MIPOL1: variants seen among roughly 807,000 people sequenced by gnomAD.
MIPOL1 encodes mirror-image polydactyly 1.
In MIPOL1, 57 loss-of-function variants were observed where a neutral mutation model predicts 60.9. That is an observed-to-expected ratio of 0.94 (90% CI 0.76 to 1.17). The LOEUF (loss-of-function observed/expected upper bound fraction) is 1.17, where lower values mean the gene tolerates loss of function less well. Among genes scored for constraint, MIPOL1 ranks in the 50% most tolerant of loss-of-function variants. The pLI, the probability that MIPOL1 is intolerant of heterozygous loss-of-function variation, is 0.00. For missense variants in MIPOL1, 551 were observed against 511.6 expected (o/e 1.08, Z -0.74); for synonymous variants, 179 against 168.8 (o/e 1.06, Z -0.47).
rs150146210 is a variant in MIPOL1 at position 37,533,673 on chromosome 14, A to G, written c.1263-13232A>G. ...TTAAAAAATACCACTGATGTATCCC[A>G]TTACAATTCTTAGAAATCAAATAAT... On this transcript the variant is annotated intron_variant, in intron 12 of 12. Transcript: ENST00000684589. Among the ~76,000 whole-genome samples, 363 of 152,304 alleles carry G rather than the reference A, an allele frequency of 2.4e-3. 1 individual carries two copies. The highest frequency in any genetic ancestry group is 8.1e-3 in the African/African-American group (338 of 41,572).
chr14:37,481,612 C>CACACACACACACA (rs1555356178), intron 11 of MIPOL1, among the ~76,000 whole-genome samples: 3 of 138,278 alleles, frequency 2.2e-5, no homozygotes, highest in African/African-American at 8.2e-5. Context: ...CACACACACA[C>CACACACACACACA]CGAAACCACA....
At chr14:37,340,663 C>T (rs1162971419) in intron 9 of MIPOL1, among the ~76,000 whole-genome samples, 1 of 150,260 alleles carries the variant, frequency 6.7e-6, no homozygotes, top group African/African-American at 2.5e-5. Context: ...CATGCCACCA[C>T]ACTCAGCCTT....
chr14:37,446,357 A>G (rs978548528), intron 11 of MIPOL1, among the ~76,000 whole-genome samples: 4 of 152,204 alleles, frequency 2.6e-5, no homozygotes, highest in African/African-American at 9.6e-5. Flanking sequence ...AGAAATGCAA[A>G]TCAAAACCAC....
chr14:37,366,831 C>T (rs1242480939), intron 9 of MIPOL1, among the ~76,000 whole-genome samples: 1 of 151,870 alleles, frequency 6.6e-6, no homozygotes, highest in East Asian at 1.9e-4. Context: ...TATGGATGCT[C>T]GAATGTTGAG....
intron 7 of MIPOL1, among the ~76,000 whole-genome samples, chr14:37,296,567 TAAAG>T (rs1156518427): frequency 6.6e-6 from 1 of 151,900 alleles, no homozygotes; most frequent in African/African-American, 2.4e-5. Flanking sequence ...GCAAGACTAA[TAAAG>T]AAGAAAAGAG....
chr14:37,250,561 T>C (rs1973919899), intron 3 of MIPOL1, among the ~76,000 whole-genome samples: 1 of 152,024 alleles, frequency 6.6e-6, no homozygotes, highest in Non-Finnish European at 1.5e-5. Flanking sequence ...TTAAATAATA[T>C]TAGGAAATAA....
intron 1 of MIPOL1, among the ~76,000 whole-genome samples, chr14:37,206,114 C>G (rs1378912425): frequency 6.6e-6 from 1 of 151,948 alleles, no homozygotes; most frequent in African/African-American, 2.4e-5. Flanking sequence ...GGAAAATGTC[C>G]CCAGGGTATG....
intron 1 of MIPOL1, among the ~76,000 whole-genome samples, chr14:37,213,831 A>G (rs1454235636): frequency 6.6e-6 from 1 of 152,196 alleles, no homozygotes; most frequent in Non-Finnish European, 1.5e-5. Flanking sequence ...TATCAAGAGA[A>G]TAGAAATAAC....
intron 9 of MIPOL1, among the ~76,000 whole-genome samples, chr14:37,367,067 G>A (rs1356940301): frequency 1.3e-5 from 2 of 151,950 alleles, no homozygotes; most frequent in Non-Finnish European, 2.9e-5. Context: ...TAAAATTTGA[G>A]ATGTGATTAA....
chr14:37,503,007 G>T (rs145075196), intron 12 of MIPOL1: 1 of 152,190 alleles, frequency 6.6e-6, no homozygotes, highest in Non-Finnish European at 1.5e-5. Context: ...GCAATCAAGT[G>T]CAAGAAAGGA....
chr14:37,228,742 C>G (rs1594601230), intron 1 of MIPOL1, among the ~76,000 whole-genome samples: 1 of 152,288 alleles, frequency 6.6e-6, no homozygotes, highest in East Asian at 1.9e-4. Context: ...AAATACTTTG[C>G]TTCACATTTT....
At chr14:37,201,355 T>G (rs1965312683) in intron 1 of MIPOL1, among the ~76,000 whole-genome samples, 1 of 152,118 alleles carries the variant, frequency 6.6e-6, no homozygotes, top group Middle Eastern at 3.2e-3. Context: ...CACTTTCTTC[T>G]CACCCTGTAA....
chr14:37,206,737 G>A (rs1210201289), intron 1 of MIPOL1, among the ~76,000 whole-genome samples: 1 of 152,228 alleles, frequency 6.6e-6, no homozygotes, highest in Non-Finnish European at 1.5e-5. Context: ...TCTTGCATCA[G>A]TGTGACCTGC....
chr14:37,477,767 G>C (rs2094800109), intron 11 of MIPOL1, among the ~76,000 whole-genome samples: 1 of 152,168 alleles, frequency 6.6e-6, no homozygotes, highest in South Asian at 2.1e-4. Flanking sequence ...TGCGTACCCA[G>C]ATTCCCCTAC....
rs532899931 is a variant in MIPOL1 at position 37,300,619 on chromosome 14, C to T, written c.624-7437C>T. Among the ~76,000 whole-genome samples the T allele has an allele frequency of 3.1e-4, 5 of 15,998 alleles. 2 individuals carry two copies. The highest frequency in any genetic ancestry group is 3.1e-4 in the African/African-American group (4 of 12,708). The allele number at this position is 15,998 out of a possible 152,430, so 10.5% of individuals were successfully genotyped here. A position where few individuals can be genotyped will look rare whatever the true frequency, so the allele number is the denominator to read the frequency against. On this transcript the variant is annotated intron_variant, in intron 7 of 12. Coordinates refer to ENST00000684589, the MANE Select transcript of MIPOL1 (RefSeq NM_001388067.1). ...CTCTTGGGCTCAAGCAGTCCTCCCA[C>T]CTCAGCCTCCCCAGTAACTGGGACT...
intron 11 of MIPOL1, among the ~76,000 whole-genome samples, chr14:37,499,142 A>G (rs1233258551): frequency 6.6e-6 from 1 of 152,092 alleles, no homozygotes; most frequent in Non-Finnish European, 1.5e-5. Flanking sequence ...TATTTAATTG[A>G]GTGAGGTGCT....
At chr14:37,477,641 C>A (rs1218359536) in intron 11 of MIPOL1, among the ~76,000 whole-genome samples, 1 of 152,158 alleles carries the variant, frequency 6.6e-6, no homozygotes, top group Non-Finnish European at 1.5e-5. Flanking sequence ...AAATAACACA[C>A]CTGACCTCAT....
Position 37,351,795 on chromosome 14 carries a change from G to C in MIPOL1, c.829-17722G>C, listed in dbSNP as rs2091411403. Among the ~76,000 whole-genome samples the C allele has an allele frequency of 3.2e-5, 4 of 125,518 alleles. No individual in the cohort carries two copies. The Admixed American group carries it at 3.5e-4, about 11-fold the overall frequency. The allele number at this position is 125,518 out of a possible 152,430, so 82.3% of individuals were successfully genotyped here. A position where few individuals can be genotyped will look rare whatever the true frequency, so the allele number is the denominator to read the frequency against. On this transcript the variant is annotated intron_variant, in intron 9 of 12. Transcript: ENST00000684589. ...TGTAAATTTGTTTGAGTTCATTGTA[G>C]ATTGTGGATATTAGCCCTTTGTCAG...
intron 11 of MIPOL1, among the ~76,000 whole-genome samples, chr14:37,452,456 T>C (rs1330478429): frequency 6.6e-6 from 1 of 152,210 alleles, no homozygotes; most frequent in Non-Finnish European, 1.5e-5. Flanking sequence ...ATGCAACAAT[T>C]TTTAATGCAA....
Sources: gnomAD v4.1 joint callset for allele counts (sites outside exome capture counted in the v4.1 genomes callset) on GRCh38, gnomAD v4.1.1 for gene constraint, MANE v1.5 for transcripts, NCBI Gene and HGNC (gene_info 2026-07-23, HGNC 2026-07-21) for gene names.